NRG3: variants seen among roughly 807,000 people sequenced by gnomAD.
The protein encoded by NRG3 is neuregulin 3, also known as pro-neuregulin-3, membrane-bound isoform.
Under a neutral mutation model 66.9 loss-of-function variants are expected in NRG3, and 31 were observed. The observed-to-expected ratio is 0.46, with a 90% confidence interval of 0.35 to 0.63. NRG3 has a LOEUF of 0.63. Among genes scored for constraint, NRG3 ranks in the 20% least tolerant of loss-of-function variants. The probability of loss-of-function intolerance (pLI) is 0.00; values close to 1 mark genes in which losing one functional copy is unlikely to be tolerated. For missense variants in NRG3, 910 were observed against 878.9 expected (o/e 1.04, Z -0.45); for synonymous variants, 393 against 359.4 (o/e 1.09, Z -1.06).
chr10:82,785,693 C>A (rs1591520646), intron 3 of NRG3, among the ~76,000 whole-genome samples: 2 of 152,084 alleles, frequency 1.3e-5, no homozygotes, highest in South Asian at 4.1e-4. Context: ...GTTTACAGAG[C>A]TACGTGACTT....
intron 1 of NRG3, among the ~76,000 whole-genome samples, chr10:82,067,214 C>T (rs1206424464): frequency 2.0e-5 from 3 of 152,058 alleles, no homozygotes; most frequent in Non-Finnish European, 2.9e-5. Context: ...AAAATTTATC[C>T]TTGAAGTCAT....
rs2068251083 is a variant in NRG3 at position 82,123,832 on chromosome 10, C to A, written c.824-234907C>A. On this transcript the variant is annotated intron_variant, in intron 1 of 8. Transcript: ENST00000372141. Reference sequence around the variant, plus strand: ...GTCCCACCCCAGAGCTCTGGAGCATCTGGATCTGTATGACCTGGAAGGCAG... The same window carrying A: ...GTCCCACCCCAGAGCTCTGGAGCATATGGATCTGTATGACCTGGAAGGCAG... Among the ~76,000 whole-genome samples, 2 of 149,810 alleles carry A rather than the reference C, an allele frequency of 1.3e-5. 1 individual carries two copies. The highest frequency in any genetic ancestry group is 4.2e-4 in the South Asian group (2 of 4,814).
chr10:82,165,416 G>A (rs1394736024), intron 1 of NRG3, among the ~76,000 whole-genome samples: 2 of 151,908 alleles, frequency 1.3e-5, no homozygotes, highest in Admixed American at 6.6e-5. Flanking sequence ...ACCGAATAGT[G>A]CAATTTATAA....
chr10:82,839,220 T>C (rs1255323547), intron 3 of NRG3, among the ~76,000 whole-genome samples: 1 of 152,192 alleles, frequency 6.6e-6, no homozygotes, highest in African/African-American at 2.4e-5. Flanking sequence ...AAATCTATGA[T>C]ATGCATCTAA....
chr10:81,988,851 A>G (rs1469758268), intron 1 of NRG3, among the ~76,000 whole-genome samples: 2 of 151,742 alleles, frequency 1.3e-5, no homozygotes, highest in African/African-American at 4.8e-5. Context: ...TAAATCAATG[A>G]TGGATTTCCA....
chr10:82,265,985 C>T (rs2078274289), intron 1 of NRG3, among the ~76,000 whole-genome samples: 1 of 152,024 alleles, frequency 6.6e-6, no homozygotes, highest in South Asian at 2.1e-4. Flanking sequence ...GAGAAAAGTT[C>T]TTAGGCGCCA....
intron 1 of NRG3, among the ~76,000 whole-genome samples, chr10:82,041,748 C>T (rs534613742): frequency 1.1e-4 from 16 of 151,836 alleles, no homozygotes; most frequent in African/African-American, 3.1e-4. Context: ...CTCCCTTCAC[C>T]CTTCCTTCCT....
At chr10:82,390,344 G>C (rs752084382) in intron 2 of NRG3, among the ~76,000 whole-genome samples, 3 of 134,246 alleles carry the variant, frequency 2.2e-5, no homozygotes, top group Non-Finnish European at 4.8e-5. Flanking sequence ...GTTTTTTTGT[G>C]GGGGGGCTGG....
At chr10:82,761,764 T>G (rs1361880960) in intron 3 of NRG3, among the ~76,000 whole-genome samples, 1 of 151,760 alleles carries the variant, frequency 6.6e-6, no homozygotes, top group Non-Finnish European at 1.5e-5. Context: ...AGGAAAAACA[T>G]AAATGGAATG....
At chr10:82,659,777 T>A (rs550975058) in intron 2 of NRG3, among the ~76,000 whole-genome samples, 33 of 152,338 alleles carry the variant, frequency 2.2e-4, no homozygotes, top group African/African-American at 7.9e-4. Flanking sequence ...ACTCTAGTAA[T>A]GGCAATGCCA....
chr10:82,693,696 G>T (rs1408267989), intron 2 of NRG3, among the ~76,000 whole-genome samples: 2 of 152,136 alleles, frequency 1.3e-5, no homozygotes, highest in Admixed American at 1.3e-4. Flanking sequence ...TGCAGTGAGT[G>T]TTACAGCTCT....
chr10:82,257,116 C>G (rs991009573), intron 1 of NRG3, among the ~76,000 whole-genome samples: 1 of 152,084 alleles, frequency 6.6e-6, no homozygotes, highest in African/African-American at 2.4e-5. Flanking sequence ...GGAGCTAGAA[C>G]CCTGGAATGT....
chr10:82,934,070 A>G (rs1291687770), intron 4 of NRG3, among the ~76,000 whole-genome samples: 1 of 152,166 alleles, frequency 6.6e-6, no homozygotes, highest in Non-Finnish European at 1.5e-5. Context: ...CTGAGAGGGG[A>G]AATTCCTTCA....
At chr10:82,449,793 T>C (rs988882392) in intron 2 of NRG3, among the ~76,000 whole-genome samples, 2 of 152,146 alleles carry the variant, frequency 1.3e-5, no homozygotes, top group Non-Finnish European at 2.9e-5. Flanking sequence ...TCATATACGT[T>C]TTTTTGAGCA....
intron 2 of NRG3, among the ~76,000 whole-genome samples, chr10:82,406,818 A>C (rs1013188693): frequency 1.3e-5 from 2 of 152,078 alleles, no homozygotes; most frequent in African/African-American, 2.4e-5. Flanking sequence ...TGAGACAGGT[A>C]CCGTTTTCCT....
intron 2 of NRG3, among the ~76,000 whole-genome samples, chr10:82,394,919 A>T (rs1205122438): frequency 6.6e-6 from 1 of 152,138 alleles, no homozygotes; most frequent in East Asian, 1.9e-4. Context: ...GTCTCAATTC[A>T]TCCCTTCCCA....
At chr10:82,984,729 C>T in intron 8 of NRG3, 1 of 1,542,558 alleles carries the variant, frequency 6.5e-7, no homozygotes, top group East Asian at 2.5e-5. Flanking sequence ...TCCTGTTTGT[C>T]ACAATGGAAA....
rs1259051450 is a variant in NRG3 at position 82,166,936 on chromosome 10, T to A, written c.824-191803T>A. 3.2e-5 allele frequency: 15 copies of A among 475,468 alleles called. No homozygotes were observed. The South Asian group carries it at 5.0e-4, about 16-fold the overall frequency. 29.5% of individuals were successfully genotyped at this position (475,468 alleles called of 1,614,324 possible). A position where few individuals can be genotyped will look rare whatever the true frequency, so the allele number is the denominator to read the frequency against. On this transcript the variant is annotated intron_variant, in intron 1 of 8. Transcript: ENST00000372141. ...TTTAAAGATGTGCTTGACTGTCTTC[T>A]TGCTCGCATTATTTTGATAAGAAAT... is the stretch of plus-strand genomic sequence containing the variant.
chr10:81,946,627 A>G (rs1347428689), intron 1 of NRG3, among the ~76,000 whole-genome samples: 2 of 152,118 alleles, frequency 1.3e-5, no homozygotes, highest in Admixed American at 6.6e-5. Flanking sequence ...GTGTGTGTCT[A>G]TGTGTGTGTG....
Sources: gnomAD v4.1 joint callset for allele counts (sites outside exome capture counted in the v4.1 genomes callset) on GRCh38, gnomAD v4.1.1 for gene constraint, MANE v1.5 for transcripts, NCBI Gene and HGNC (gene_info 2026-07-23, HGNC 2026-07-21) for gene names.